LOXL2: variants seen among roughly 807,000 people sequenced by gnomAD.
LOXL2 encodes the protein lysyl oxidase homolog 2.
In LOXL2, 70 loss-of-function variants were observed where a neutral mutation model predicts 93.0. The observed-to-expected ratio is 0.75, with a 90% CI of 0.62 to 0.92. LOXL2 has a LOEUF of 0.92. Ranked by LOEUF, LOXL2 falls within the 40% of genes least tolerant of loss-of-function variation. The pLI is 0.00. For missense variants in LOXL2, 973 were observed against 1,054.9 expected, an observed-to-expected ratio of 0.92 and a Z score of 1.08; for synonymous variants, 438 against 413.2, an observed-to-expected ratio of 1.06 and a Z score of -0.73.
chr8:23,328,811 A>G (rs997044461), intron 5 of LOXL2: 3 of 477,802 alleles, frequency 6.3e-6, no homozygotes, highest in African/African-American at 4.0e-5. Context: ...CTCCCTTTGC[A>G]GCCCTCGCGT....
intron 1 of LOXL2, among the ~76,000 whole-genome samples, chr8:23,373,131 C>T (rs969684001): frequency 2.0e-5 from 3 of 152,122 alleles, no homozygotes; most frequent in African/African-American, 7.2e-5. Context: ...CATCTCCATC[C>T]AGCTCACAGT....
intron 7 of LOXL2, among the ~76,000 whole-genome samples, chr8:23,320,526 T>C (rs1009687750): frequency 2.0e-5 from 3 of 152,236 alleles, no homozygotes; most frequent in African/African-American, 7.2e-5. Context: ...CAACCCCACT[T>C]GGTATCTCAG....
At chr8:23,317,758 C>T (rs947469501) in intron 8 of LOXL2, among the ~76,000 whole-genome samples, 2 of 152,186 alleles carry the variant, frequency 1.3e-5, no homozygotes, top group Non-Finnish European at 2.9e-5. Flanking sequence ...TTAGGATTTA[C>T]TCTCACACTT....
At chr8:23,345,553 C>A (rs1803956694) in intron 3 of LOXL2, among the ~76,000 whole-genome samples, 1 of 152,206 alleles carries the variant, frequency 6.6e-6, no homozygotes, top group Non-Finnish European at 1.5e-5. Context: ...ACTAGCTAAC[C>A]AGCTCATGGA....
At position 23,375,090 on chromosome 8, in the gene LOXL2, A is replaced by C. The variant is rs1048764404; in HGVS notation, c.-83-6656T>G. Among the ~76,000 whole-genome samples the C allele has an allele frequency of 3.9e-5, 6 of 152,124 alleles. 1 individual carries two copies. The highest frequency in any genetic ancestry group is 3.9e-4 in the Admixed American group (6 of 15,278). ...TTTTATGGTTTTAGGTCTAACATTT[A>C]AGTCTTTAATCCATCTTGAATTAAT... is the stretch of plus-strand genomic sequence containing the variant. On this transcript the variant is annotated intron_variant, in intron 1 of 13. Transcript: ENST00000389131.
chr8:23,334,544 C>T (rs1225040906), intron 4 of LOXL2, among the ~76,000 whole-genome samples: 1 of 152,146 alleles, frequency 6.6e-6, no homozygotes, highest in Non-Finnish European at 1.5e-5. Context: ...TTCCTGCACC[C>T]AGGAAGATCA....
chr8:23,375,288 C>G (rs1804569953), intron 1 of LOXL2, among the ~76,000 whole-genome samples: 1 of 152,084 alleles, frequency 6.6e-6, no homozygotes, highest in African/African-American at 2.4e-5. Context: ...GGGCTCTGTT[C>G]TGTTCCACTG....
In LOXL2 at chr8:23,298,822, C is replaced by T. The variant is rs1157408039; in HGVS notation, c.2245+14G>A. ...TCCCGCCTGCTTCCTGGAGTGGGGGCGGCCTGGCCTTACCTATGTGGCAGT... is the reference window on the plus strand; with the variant it reads ...TCCCGCCTGCTTCCTGGAGTGGGGGTGGCCTGGCCTTACCTATGTGGCAGT... On this transcript the variant is annotated intron_variant, in intron 13 of 13. Coordinates refer to ENST00000389131, the MANE Select transcript of LOXL2 (RefSeq NM_002318.3). 5.8e-6 allele frequency: 9 copies of T among 1,552,950 alleles called. No individual in the cohort carries two copies. The highest frequency in any genetic ancestry group is 1.1e-5 in the South Asian group (1 of 89,854).
intron 10 of LOXL2, among the ~76,000 whole-genome samples, chr8:23,309,331 G>A (rs1016115780): frequency 2.0e-5 from 3 of 152,212 alleles, no homozygotes; most frequent in African/African-American, 7.2e-5. Flanking sequence ...ACAGCCTGGA[G>A]TACCTGGCAG....
At position 23,333,591 on chromosome 8, in the gene LOXL2, C is replaced by T; in HGVS notation, c.776G>A (p.Trp259Ter). Residue 259 changes from tryptophan (W) to a stop codon, truncating the protein, a stop_gained, in exon 5 of 14, where the codon TGG (tryptophan) becomes TAG (stop). Coordinates refer to ENST00000389131, the MANE Select transcript of LOXL2 (RefSeq NM_002318.3). LOFTEE classifies it high-confidence loss of function. ...MFASRRKQRY[W>*]PFSMDCTGTE... Reference sequence around the variant, plus strand: ...GCCGGTGCAGTCCATGGAGAATGGCCAGTAGCGCTGCTTCCTCCGTGAGGC... The same window carrying T: ...GCCGGTGCAGTCCATGGAGAATGGCTAGTAGCGCTGCTTCCTCCGTGAGGC... 1 of 1,613,634 alleles carries T rather than the reference C, an allele frequency of 6.2e-7. No homozygotes were observed. Among genetic ancestry groups the T allele is most frequent in the Non-Finnish European group, 8.5e-7 (1 of 1,179,968 alleles).
intron 1 of LOXL2, among the ~76,000 whole-genome samples, chr8:23,401,458 C>T (rs1264883929): frequency 6.6e-6 from 1 of 152,060 alleles, no homozygotes; most frequent in Admixed American, 6.6e-5. Context: ...AGAAATCACA[C>T]TGAAATATGT....
intron 5 of LOXL2, among the ~76,000 whole-genome samples, chr8:23,332,255 A>C: frequency 1.6e-5 from 1 of 60,666 alleles, no homozygotes. Context: ...ACACACTTAT[A>C]CACACCACCC....
intron 6 of LOXL2, among the ~76,000 whole-genome samples, chr8:23,328,040 C>G (rs542769054): frequency 1.9e-5 from 2 of 103,862 alleles, no homozygotes; most frequent in East Asian, 4.9e-4. Context: ...CAGGAGGGGC[C>G]TGAGAACCCT....
intron 3 of LOXL2, among the ~76,000 whole-genome samples, chr8:23,343,393 G>C (rs1277329827): frequency 6.6e-6 from 1 of 152,122 alleles, no homozygotes; most frequent in Non-Finnish European, 1.5e-5. Flanking sequence ...CCCTCCCTAG[G>C]GCCACCCCGA....
At chr8:23,303,487 A>G (rs1803175152) in intron 10 of LOXL2, 90 bp from the exon 11 acceptor site, 2 of 763,610 alleles carry the variant, frequency 2.6e-6, no homozygotes, top group South Asian at 1.5e-5. Context: ...GCCTCTGGGA[A>G]TACTTCCAGG....
intron 1 of LOXL2, among the ~76,000 whole-genome samples, chr8:23,393,457 T>C (rs376249020): frequency 1.2e-4 from 19 of 152,314 alleles, no homozygotes; most frequent in East Asian, 9.6e-4. Context: ...GGGGAAAGAA[T>C]TGTCTTCAAA....
intron 2 of LOXL2, among the ~76,000 whole-genome samples, chr8:23,366,642 A>T (rs1447118759): frequency 1.3e-5 from 2 of 152,196 alleles, no homozygotes; most frequent in African/African-American, 4.8e-5. Context: ...ATTCTTACGC[A>T]GTCAGCATGG....
At chr8:23,314,807 T>A (rs1320927502) in intron 9 of LOXL2, among the ~76,000 whole-genome samples, 1 of 141,262 alleles carries the variant, frequency 7.1e-6, no homozygotes, top group African/African-American at 2.7e-5. Context: ...AATAAATACA[T>A]AAATACATAA....
chr8:23,336,563 A>C (rs1261992766), intron 4 of LOXL2: 1 of 152,332 alleles, frequency 6.6e-6, no homozygotes, highest in African/African-American at 2.4e-5. Flanking sequence ...GACTGTAGGA[A>C]GAACACGGAG....
Sources: gnomAD v4.1 joint callset for allele counts (sites outside exome capture counted in the v4.1 genomes callset) on GRCh38, gnomAD v4.1.1 for gene constraint, MANE v1.5 for transcripts, NCBI Gene and HGNC (gene_info 2026-07-23, HGNC 2026-07-21) for gene names.